The following MDGA2 variants were observed in gnomAD, a reference collection of about 807,000 sequenced individuals.
The protein encoded by MDGA2 is MAM domain containing glycosylphosphatidylinositol anchor 2, also known as MAM domain-containing glycosylphosphatidylinositol anchor protein 2.
Under a neutral mutation model 117.8 loss-of-function variants are expected in MDGA2, and 40 were observed. The observed-to-expected ratio is 0.34, with a 90% confidence interval of 0.26 to 0.44. The LOEUF (loss-of-function observed/expected upper bound fraction) is 0.44. Ranked by LOEUF, MDGA2 falls within the 20% of genes least tolerant of loss-of-function variation. The pLI is 1.00. For missense variants in MDGA2, 1,123 were observed against 1,250.6 expected (o/e 0.90, Z 1.54); for synonymous variants, 452 against 439.0 (o/e 1.03, Z -0.37).
intron 15 of MDGA2, among the ~76,000 whole-genome samples, chr14:46,853,348 C>T (rs532486483): frequency 2.0e-5 from 3 of 151,626 alleles, no homozygotes; most frequent in Admixed American, 6.6e-5. Context: ...TTGAAATCTT[C>T]GAAGGAGAAG....
chr14:47,420,176 A>G (rs565540707), intron 1 of MDGA2, among the ~76,000 whole-genome samples: 1 of 152,306 alleles, frequency 6.6e-6, no homozygotes, highest in Admixed American at 6.5e-5. Context: ...AATTACTTTC[A>G]GAATAGTGAT....
At chr14:47,644,242 C>G (rs900785452) in intron 1 of MDGA2, among the ~76,000 whole-genome samples, 25 of 152,034 alleles carry the variant, frequency 1.6e-4, no homozygotes, top group African/African-American at 5.8e-4. Context: ...CATTAAAGAT[C>G]TTGAGACTTA....
At chr14:47,515,345 G>A (rs1894728857) in intron 1 of MDGA2, among the ~76,000 whole-genome samples, 1 of 152,142 alleles carries the variant, frequency 6.6e-6, no homozygotes, top group Non-Finnish European at 1.5e-5. Context: ...TGAATAACCT[G>A]TGAATACCCT....
At chr14:47,489,423 C>G (rs1894124122) in intron 1 of MDGA2, among the ~76,000 whole-genome samples, 1 of 151,964 alleles carries the variant, frequency 6.6e-6, no homozygotes, top group Non-Finnish European at 1.5e-5. Flanking sequence ...GCTAATTAAA[C>G]TAACTGACAG....
At chr14:47,478,312 A>G (rs913843333) in intron 1 of MDGA2, among the ~76,000 whole-genome samples, 1 of 152,190 alleles carries the variant, frequency 6.6e-6, no homozygotes, top group African/African-American at 2.4e-5. Context: ...GGCCAAAACA[A>G]AAGGTTATTC....
At chr14:47,086,658 A>G (rs1265170848) in intron 6 of MDGA2, among the ~76,000 whole-genome samples, 1 of 152,120 alleles carries the variant, frequency 6.6e-6, no homozygotes, top group Admixed American at 6.6e-5. Flanking sequence ...AATACTTCAT[A>G]AATAAGAAAA....
chr14:47,437,927 G>T (rs1036209313), intron 1 of MDGA2, among the ~76,000 whole-genome samples: 2 of 152,070 alleles, frequency 1.3e-5, no homozygotes, highest in Admixed American at 1.3e-4. Flanking sequence ...CACTACATAA[G>T]GTCAAGTCTT....
chr14:47,225,174 G>C (rs1164715886), intron 2 of MDGA2, among the ~76,000 whole-genome samples: 5 of 152,028 alleles, frequency 3.3e-5, no homozygotes, highest in South Asian at 2.1e-4. Flanking sequence ...AGGTGCTGGA[G>C]AGGATGTGGA....
intron 1 of MDGA2, among the ~76,000 whole-genome samples, chr14:47,423,190 C>T (rs1425307337): frequency 1.3e-5 from 2 of 152,208 alleles, no homozygotes; most frequent in East Asian, 3.9e-4. Flanking sequence ...TTGATAGTAT[C>T]ATGAGCTAAA....
intron 7 of MDGA2, among the ~76,000 whole-genome samples, chr14:47,055,393 G>A (rs573668765): frequency 6.6e-5 from 10 of 152,024 alleles, no homozygotes; most frequent in African/African-American, 2.4e-4. Flanking sequence ...TTCCTCCTAA[G>A]ATCTAGTGCC....
intron 1 of MDGA2, among the ~76,000 whole-genome samples, chr14:47,344,520 T>C (rs1330852699): frequency 6.6e-6 from 1 of 152,114 alleles, no homozygotes; most frequent in East Asian, 1.9e-4. Context: ...AAGCTGTAAA[T>C]AGAGTTTGGT....
chr14:47,342,930 G>A (rs1215742733), intron 1 of MDGA2: 1 of 512,518 alleles, frequency 2.0e-6, no homozygotes, highest in Admixed American at 2.5e-5. Flanking sequence ...GATAAATTAG[G>A]GAAAACCATA....
At chr14:47,218,685 T>C (rs759269826) in intron 2 of MDGA2, among the ~76,000 whole-genome samples, 2 of 152,114 alleles carry the variant, frequency 1.3e-5, no homozygotes, top group African/African-American at 2.4e-5. Context: ...AATGGCTTAT[T>C]GAGATTATGT....
At chr14:47,171,147 AT>A (rs2139319449) in intron 3 of MDGA2, among the ~76,000 whole-genome samples, 1 of 152,264 alleles carries the variant, frequency 6.6e-6, no homozygotes, top group African/African-American at 2.4e-5. Context: ...AAAATTGCTT[AT>A]TTTTATTAGA....
intron 1 of MDGA2, among the ~76,000 whole-genome samples, chr14:47,611,437 G>GA (rs1420977164): frequency 6.6e-6 from 1 of 152,044 alleles, no homozygotes; most frequent in Non-Finnish European, 1.5e-5. Context: ...CAGAGTGGGA[G>GA]AAAATCTTCA....
At chr14:47,335,592 AC>A (rs1434093155) in intron 1 of MDGA2, among the ~76,000 whole-genome samples, 3 of 151,290 alleles carry the variant, frequency 2.0e-5, no homozygotes, top group African/African-American at 7.3e-5. Context: ...CTGTGTTTAC[AC>A]TGAGTAAGGT....
intron 8 of MDGA2, among the ~76,000 whole-genome samples, chr14:46,987,947 T>G: frequency 6.6e-6 from 1 of 150,742 alleles, no homozygotes. Flanking sequence ...TGCGCGCGTG[T>G]GTGTATGTTG....
chr14:47,164,888 T>G (rs988857213), intron 3 of MDGA2, among the ~76,000 whole-genome samples: 12 of 152,320 alleles, frequency 7.9e-5, no homozygotes, highest in Admixed American at 2.0e-4. Context: ...TGAGAAAATG[T>G]GGCACATAGT....
rs746729472 is a variant in MDGA2 at position 47,308,036 on chromosome 14, T to C, written c.281-6486A>G. 2.0e-4 allele frequency among the ~76,000 whole-genome samples: 31 copies of C among 152,196 alleles called. No homozygotes were observed. In the Middle Eastern group the frequency reaches 0.01, roughly 50 times the overall value. On this transcript the variant is annotated intron_variant, in intron 1 of 16. Transcript: ENST00000399232. ...GTAGACAGCCGAGCACAGTGGACTG[T>C]CCAAAAATATTACATACCATGGAGT...
Sources: allele counts gnomAD v4.1 joint callset (sites outside exome capture counted in the v4.1 genomes callset), GRCh38; gene constraint gnomAD v4.1.1; transcripts MANE v1.5; gene names NCBI Gene and HGNC (gene_info 2026-07-23, HGNC 2026-07-21).